The following PXDNL variants were observed in gnomAD, a reference collection of about 807,000 sequenced individuals.
PXDNL encodes peroxidasin like, also known as probable oxidoreductase PXDNL.
Under a neutral mutation model 150.8 loss-of-function variants are expected in PXDNL, and 145 were observed. That is an observed-to-expected ratio of 0.96 (90% CI 0.84 to 1.10). The LOEUF is 1.10. Among genes scored for constraint, PXDNL ranks in the 50% least tolerant of loss-of-function variants. PXDNL has a pLI of 0.00. For synonymous variants in PXDNL, 757 were observed against 725.7 expected, an observed-to-expected ratio of 1.04 and a Z score of -0.69; for missense variants, 2,087 against 1,873.9, an observed-to-expected ratio of 1.11 and a Z score of -2.10.
intron 21 of PXDNL, among the ~76,000 whole-genome samples, chr8:51,324,118 T>A (rs980757022): frequency 1.3e-5 from 2 of 152,156 alleles, no homozygotes; most frequent in Non-Finnish European, 2.9e-5. Flanking sequence ...TTTTTCTACG[T>A]TTATCTTGGG....
Position 51,426,669 on chromosome 8 carries a change from G to A in PXDNL, c.1615C>T (p.Gln539Ter). 1 of 1,600,622 alleles carries A rather than the reference G, an allele frequency of 6.2e-7. No individual in the cohort carries two copies. Among genetic ancestry groups the A allele is most frequent in the Non-Finnish European group, 8.5e-7 (1 of 1,169,832 alleles). ...NISCHAQGEP[Q>*]PIITWNKEGV... Reference sequence around the variant, plus strand: ...ACCTTATTCCAAGTAATTATGGGCTGTGGTTCTCCTTGAGCATGACATGAA... The same window carrying A: ...ACCTTATTCCAAGTAATTATGGGCTATGGTTCTCCTTGAGCATGACATGAA... Residue 539 changes from glutamine to a stop codon, truncating the protein, a stop_gained, in exon 13 of 23, where the codon CAG (glutamine) becomes TAG (stop). Coordinates refer to ENST00000356297, the MANE Select transcript of PXDNL (RefSeq NM_144651.5). LOFTEE classifies it high-confidence loss of function.
intron 1 of PXDNL, among the ~76,000 whole-genome samples, chr8:51,703,791 T>G (rs779065593): frequency 1.3e-5 from 2 of 152,238 alleles, no homozygotes; most frequent in Non-Finnish European, 2.9e-5. Flanking sequence ...GCAGCATGAT[T>G]AAAAATCCTT....
At chr8:51,727,710 G>C (rs572882409) in intron 1 of PXDNL, among the ~76,000 whole-genome samples, 7 of 152,256 alleles carry the variant, frequency 4.6e-5, no homozygotes, top group African/African-American at 1.4e-4. Flanking sequence ...CAAGCACCAG[G>C]TTAGCTGTGG....
intron 1 of PXDNL, among the ~76,000 whole-genome samples, chr8:51,795,813 G>A (rs934452310): frequency 2.0e-5 from 3 of 152,202 alleles, no homozygotes; most frequent in Non-Finnish European, 2.9e-5. Context: ...CCGTGGCCCC[G>A]ACTTGCCAGT....
chr8:51,634,108 T>C (rs888143199), intron 2 of PXDNL, among the ~76,000 whole-genome samples: 2 of 152,072 alleles, frequency 1.3e-5, no homozygotes, highest in African/African-American at 4.8e-5. Context: ...TTAGAGTTTG[T>C]GATCTTATAT....
At chr8:51,616,666 C>A (rs2130726287) in intron 2 of PXDNL, among the ~76,000 whole-genome samples, 1 of 152,324 alleles carries the variant, frequency 6.6e-6, no homozygotes, top group African/African-American at 2.4e-5. Flanking sequence ...TACTTTAAAT[C>A]ATCTCTAGAT....
rs765684998 is a variant in PXDNL at position 51,409,492 on chromosome 8, G to C, written c.2132C>G (p.Ala711Gly). The C allele has an allele frequency of 6.2e-7, 1 of 1,612,062 alleles. No homozygotes were observed. Among genetic ancestry groups the C allele is most frequent in the Non-Finnish European group, 8.5e-7 (1 of 1,179,480 alleles). Residue 711 changes from alanine (A) to glycine (G), a missense_variant, in exon 17 of 23, where the codon GCT becomes GGT. By Grantham distance (60) the Ala-to-Gly change is moderately conservative. Transcript: ENST00000356297. ...GGAGCAGTTTGGCAGAGGCCTGCGA[G>C]CTGTGCATCCAGATAAATTGGCGAT... ...SLIANLSGCT[A>G]RRPLPNCSNR...
intron 1 of PXDNL, among the ~76,000 whole-genome samples, chr8:51,803,877 A>C (rs1033087259): frequency 6.6e-6 from 1 of 152,160 alleles, no homozygotes; most frequent in Non-Finnish European, 1.5e-5. Context: ...TTTTGCCTCT[A>C]TCTCCCTCCT....
intron 2 of PXDNL, among the ~76,000 whole-genome samples, chr8:51,608,054 AAAGCAAGCAAGCAAGCAAGCAAGC>A (rs755666717): frequency 1.9e-4 from 21 of 111,698 alleles, no homozygotes; most frequent in Middle Eastern, 4.3e-3. Context: ...AGAAAGAAAG[AAAGCAAGCAAGCAAGCAAGCAAGC>A]AAGCAAGCAA....
At chr8:51,722,896 GC>G (rs1441601240) in intron 1 of PXDNL, among the ~76,000 whole-genome samples, 1 of 152,126 alleles carries the variant, frequency 6.6e-6, no homozygotes, top group African/African-American at 2.4e-5. Flanking sequence ...GGGTTTCCAA[GC>G]TTGGGGGTGG....
In PXDNL at chr8:51,704,312, T is replaced by C. The variant is rs529838586; in HGVS notation, c.165-49552A>G. Among the ~76,000 whole-genome samples the C allele has an allele frequency of 3.3e-5, 5 of 152,356 alleles. No homozygotes were observed. The East Asian group carries it at 9.6e-4, about 29-fold the overall frequency. ...GAGTCATTTATGTGGATGTGTGTAG[T>C]AGCAGTTCATTTATTTTTTACTGCT... On this transcript the variant is annotated intron_variant, in intron 1 of 22. Coordinates refer to ENST00000356297, the MANE Select transcript of PXDNL (RefSeq NM_144651.5).
In PXDNL at chr8:51,676,597, G is replaced by A. The variant is rs184887764; in HGVS notation, c.165-21837C>T. ...TGGCCGGACTCATCTTTGACCACCA[G>A]TCCTCCCTATCCTGTTCTCCAACAG... On this transcript the variant is annotated intron_variant, in intron 1 of 22. Transcript: ENST00000356297. Among the ~76,000 whole-genome samples, 1,103 of 142,852 alleles carry A rather than the reference G, an allele frequency of 7.7e-3. 18 individuals carry two copies. Among genetic ancestry groups the A allele is most frequent in the Non-Finnish European group, 6.8e-3 (463 of 67,954 alleles). 93.7% of individuals were successfully genotyped at this position (142,852 alleles called of 152,430 possible). A position where few individuals can be genotyped will look rare whatever the true frequency, so the allele number is the denominator to read the frequency against.
At chr8:51,495,799 A>G (rs1035206369) in intron 5 of PXDNL, among the ~76,000 whole-genome samples, 4 of 152,146 alleles carry the variant, frequency 2.6e-5, no homozygotes, top group African/African-American at 9.7e-5. Context: ...TAGCTTACCA[A>G]CCAAAAAAAG....
At chr8:51,802,250 C>T (rs775895704) in intron 1 of PXDNL, among the ~76,000 whole-genome samples, 1 of 151,576 alleles carries the variant, frequency 6.6e-6, no homozygotes, top group Non-Finnish European at 1.5e-5. Context: ...GTTTTTACTA[C>T]TCCGATGAAG....
At chr8:51,340,639 G>T (rs1357784513) in intron 20 of PXDNL, among the ~76,000 whole-genome samples, 1 of 152,124 alleles carries the variant, frequency 6.6e-6, no homozygotes, top group Non-Finnish European at 1.5e-5. Flanking sequence ...TCATAAATCA[G>T]AGACATAGTA....
At chr8:51,389,474 T>C (rs1393044014) in intron 17 of PXDNL, among the ~76,000 whole-genome samples, 1 of 152,180 alleles carries the variant, frequency 6.6e-6, no homozygotes, top group Non-Finnish European at 1.5e-5. Context: ...CTTGCAGAGA[T>C]GAGGCAGGAT....
chr8:51,579,420 C>T (rs1009217914), intron 3 of PXDNL, among the ~76,000 whole-genome samples: 12 of 152,000 alleles, frequency 7.9e-5, no homozygotes, highest in South Asian at 4.1e-4. Context: ...CATATCTGAA[C>T]GGCTAAAATT....
chr8:51,469,948 T>A (rs1313003867), intron 8 of PXDNL, among the ~76,000 whole-genome samples: 1 of 152,094 alleles, frequency 6.6e-6, no homozygotes, highest in Non-Finnish European at 1.5e-5. Flanking sequence ...TCTTTTTAGA[T>A]TTCTTTGTTT....
At chr8:51,630,818 A>G (rs1814474158) in intron 2 of PXDNL, among the ~76,000 whole-genome samples, 1 of 151,824 alleles carries the variant, frequency 6.6e-6, no homozygotes, top group African/African-American at 2.4e-5. Flanking sequence ...GGGAATGCTT[A>G]TACACTGCTG....
Sources: allele counts gnomAD v4.1 joint callset (sites outside exome capture counted in the v4.1 genomes callset), GRCh38; gene constraint gnomAD v4.1.1; transcripts MANE v1.5; gene names NCBI Gene and HGNC (gene_info 2026-07-23, HGNC 2026-07-21).